PPFIBP2: variants seen among roughly 807,000 people sequenced by gnomAD.
PPFIBP2 encodes liprin-beta-2.
In PPFIBP2, 118 loss-of-function variants were observed where a neutral mutation model predicts 118.3. That is an observed-to-expected ratio of 1.00 (90% CI 0.86 to 1.16). PPFIBP2 has a LOEUF of 1.16. Ranked by LOEUF, PPFIBP2 falls within the 50% of genes most tolerant of loss-of-function variation. The probability of loss-of-function intolerance (pLI) is 0.00; values close to 1 mark genes in which losing one functional copy is unlikely to be tolerated. For missense variants in PPFIBP2, 1,195 were observed against 1,073.1 expected (o/e 1.11, Z -1.59); for synonymous variants, 414 against 397.4 (o/e 1.04, Z -0.50).
the PPFIBP2 span, chr11:7,666,376 GAGAC>G: frequency 4.3e-6 from 4 of 938,542 alleles, no homozygotes; most frequent in South Asian, 1.4e-5. Flanking sequence ...ACAAAACAAA[GAGAC>G]AGAGACCAGT....
chr11:7,667,147 T>C, the PPFIBP2 span: 1 of 152,276 alleles, frequency 6.6e-6, no homozygotes, highest in African/African-American at 2.4e-5. Context: ...TCTGGGATTC[T>C]GTTTTAGAAA....
At chr11:7,650,365 T>C (rs1053306071) in intron 21 of PPFIBP2, among the ~76,000 whole-genome samples, 11 of 152,208 alleles carry the variant, frequency 7.2e-5, no homozygotes, top group Admixed American at 5.9e-4. Context: ...GTCTTGTATA[T>C]GTCAGGCACA....
At chr11:7,623,523 A>G (rs1261742906) in intron 7 of PPFIBP2, among the ~76,000 whole-genome samples, 36 of 152,216 alleles carry the variant, frequency 2.4e-4, no homozygotes, top group Admixed American at 2.4e-3. Context: ...TTCTGTGGAA[A>G]TTGGCACAAG....
downstream of PPFIBP2, chr11:7,656,877 G>GC (rs1854739380): frequency 9.3e-7 from 1 of 1,072,762 alleles, no homozygotes; most frequent in Non-Finnish European, 1.3e-6. Flanking sequence ...CGGGCACACA[G>GC]CCCCCTCTGC....
At chr11:7,514,271 C>G (rs1011698738) in intron 1 of PPFIBP2, 150 bp downstream of exon 1, 2 of 152,424 alleles carry the variant, frequency 1.3e-5, no homozygotes, top group African/African-American at 4.8e-5. Flanking sequence ...GAGCGTGTCC[C>G]AGGCTCGAGG....
At chr11:7,660,500 C>G (rs537832509), downstream of PPFIBP2, among the ~76,000 whole-genome samples, 36 of 149,040 alleles carry the variant, frequency 2.4e-4, no homozygotes, top group Non-Finnish European at 4.8e-4. Flanking sequence ...ATGAAGCCCA[C>G]TTGATCATGG....
chr11:7,666,155 G>T, the PPFIBP2 span: 1,668 of 601,614 alleles, frequency 2.8e-3, 25 homozygotes, highest in African/African-American at 0.022. Flanking sequence ...TGTGATGGCT[G>T]TGTGGAATGG....
intron 1 of PPFIBP2, among the ~76,000 whole-genome samples, chr11:7,514,841 C>A (rs1177784224): frequency 1.3e-5 from 2 of 152,218 alleles, no homozygotes; most frequent in African/African-American, 4.8e-5. Flanking sequence ...GTTTAATCTT[C>A]TTAAAAAACG....
In PPFIBP2 at chr11:7,651,976, G is replaced by C. The variant is rs941650699; in HGVS notation, c.2436+132G>C. The C allele has an allele frequency of 9.1e-6, 8 of 878,602 alleles. No homozygotes were observed. The African/African-American group carries it at 1.0e-4, about 11-fold the overall frequency. The allele number at this position is 878,602 out of a possible 1,614,324, so 54.4% of individuals were successfully genotyped here. A position where few individuals can be genotyped will look rare whatever the true frequency, so the allele number is the denominator to read the frequency against. On this transcript the variant is annotated intron_variant, in intron 23 of 23. Coordinates refer to ENST00000299492, the MANE Select transcript of PPFIBP2 (RefSeq NM_003621.5). ...CAAAGAGGATCTTTCAGCTTCTGCT[G>C]TGGGCTTGTGGTCTGTGAGGCCAGT...
rs1019010064 is a variant in PPFIBP2, at chr11:7,616,148, G to A, written c.619-4787G>A. Reference sequence around the variant, plus strand: ...CAAAGCCATACACACACATACACACGCACACACAAACACCCACACACAGTT... The same window carrying A: ...CAAAGCCATACACACACATACACACACACACACAAACACCCACACACAGTT... On this transcript the variant is annotated intron_variant, in intron 6 of 23. Coordinates refer to ENST00000299492, the MANE Select transcript of PPFIBP2 (RefSeq NM_003621.5). This position sits in a 1 kb window ranked among gnomAD's most constrained non-coding sequence, Gnocchi z 5.2. 8.6e-5 allele frequency among the ~76,000 whole-genome samples: 13 copies of A among 151,650 alleles called. No individual in the cohort carries two copies. The highest frequency in any genetic ancestry group is 2.4e-4 in the African/African-American group (10 of 41,114).
rs529585905 is a variant in PPFIBP2 at position 7,606,886 on chromosome 11, A to ATTTTTTTTTTTT, written c.487-3374_487-3363dup. On this transcript the variant is annotated intron_variant, in intron 5 of 23. Transcript: ENST00000299492. ...CTGATCAGAAGACAAAACTGCATGA[A>ATTTTTTTTTTTT]TTTTTTTTTTTTTTTTTTTTTTTTT... Among the ~76,000 whole-genome samples, 105 of 51,440 alleles carry ATTTTTTTTTTTT rather than the reference A, an allele frequency of 2.0e-3. 33 individuals are homozygous for ATTTTTTTTTTTT. Among genetic ancestry groups the ATTTTTTTTTTTT allele is most frequent in the Non-Finnish European group, 3.1e-3 (83 of 26,920 alleles). The allele number at this position is 51,440 out of a possible 152,430, so 33.7% of individuals were successfully genotyped here.
At chr11:7,551,589 C>G (rs961813468) in intron 2 of PPFIBP2, among the ~76,000 whole-genome samples, 1 of 152,180 alleles carries the variant, frequency 6.6e-6, no homozygotes, top group Non-Finnish European at 1.5e-5. Flanking sequence ...TACCTTTTGC[C>G]TCTTCGTATA....
At chr11:7,622,917 G>T (rs745547419) in intron 7 of PPFIBP2, among the ~76,000 whole-genome samples, 13 of 152,202 alleles carry the variant, frequency 8.5e-5, no homozygotes, top group Non-Finnish European at 1.3e-4. Flanking sequence ...TTGGCATGTA[G>T]ACCTTTGAGA....
At chr11:7,548,006 A>G (rs935177388) in intron 1 of PPFIBP2, among the ~76,000 whole-genome samples, 4 of 152,098 alleles carry the variant, frequency 2.6e-5, no homozygotes, top group Non-Finnish European at 5.9e-5. Flanking sequence ...TCCTGATGTT[A>G]TATCCTCACT....
At chr11:7,538,192 C>G (rs546531591) in intron 1 of PPFIBP2, 2 of 152,356 alleles carry the variant, frequency 1.3e-5, no homozygotes, top group Non-Finnish European at 2.9e-5. Flanking sequence ...TGGCCAGACC[C>G]TGCGCTCCTC....
chr11:7,624,416 C>T (rs372593613), intron 7 of PPFIBP2, among the ~76,000 whole-genome samples: 37 of 152,224 alleles, frequency 2.4e-4, no homozygotes, highest in Non-Finnish European at 3.7e-4. Context: ...TCAGTCCATG[C>T]GCTGAAACTG....
chr11:7,522,077 G>A (rs1749420186), intron 1 of PPFIBP2, among the ~76,000 whole-genome samples: 1 of 152,176 alleles, frequency 6.6e-6, no homozygotes, highest in Admixed American at 6.5e-5. Flanking sequence ...ATTGTGGCTG[G>A]GAAGGGCAGG....
chr11:7,639,710 T>G, intron 14 of PPFIBP2, 22 bp from the exon 15 acceptor site: 1 of 1,613,892 alleles, frequency 6.2e-7, no homozygotes, highest in Non-Finnish European at 8.5e-7. Flanking sequence ...GGTATCTCTC[T>G]CTTTCTCTCA....
At chr11:7,605,797 G>A (rs1174110723) in intron 5 of PPFIBP2, 2 of 1,389,792 alleles carry the variant, frequency 1.4e-6, no homozygotes, top group East Asian at 2.7e-5. Flanking sequence ...ATTGTGGCCA[G>A]AGGAGAGAAT....
Sources: gnomAD v4.1 joint callset for allele counts (sites outside exome capture counted in the v4.1 genomes callset) on GRCh38, gnomAD v4.1.1 for gene constraint, Gnocchi (gnomAD v3.1) non-coding constraint, MANE v1.5 for transcripts, NCBI Gene and HGNC (gene_info 2026-07-23, HGNC 2026-07-21) for gene names.